The following OSBPL2 variants were observed in gnomAD, a reference collection of about 807,000 sequenced individuals.
The protein encoded by OSBPL2 is oxysterol binding protein like 2.
OSBPL2 carries 18 observed loss-of-function variants against 58.4 expected under a neutral mutation model. The ratio of observed to expected loss-of-function variants is 0.31; its 90% confidence interval spans 0.21 to 0.46. The LOEUF is 0.46. Ranked by LOEUF, OSBPL2 falls within the 20% of genes least tolerant of loss-of-function variation. The pLI is 1.00. For missense variants in OSBPL2, 461 were observed against 616.5 expected (o/e 0.75, Z 2.67); for synonymous variants, 221 against 234.1 (o/e 0.94, Z 0.51).
At chr20:62,281,999 C>G (rs1982824480) in intron 9 of OSBPL2, 120 bp downstream of exon 9, 2 of 611,942 alleles carry the variant, frequency 3.3e-6, no homozygotes, top group African/African-American at 1.8e-5. Context: ...ACACCAGTGC[C>G]ATCTGTTCAT....
At chr20:62,254,880 G>C (rs1980816509) in intron 1 of OSBPL2, among the ~76,000 whole-genome samples, 1 of 152,218 alleles carries the variant, frequency 6.6e-6, no homozygotes, top group African/African-American at 2.4e-5. Context: ...CCTGGGAGTA[G>C]CTAACTTACA....
chr20:62,244,973 G>A (rs1395027552), intron 1 of OSBPL2, among the ~76,000 whole-genome samples: 1 of 152,266 alleles, frequency 6.6e-6, no homozygotes, highest in Non-Finnish European at 1.5e-5. Context: ...CTGGACTGAT[G>A]CAGAGTCCTC....
Position 62,278,706 on chromosome 20 carries a change from C to T in OSBPL2, c.492-451C>T, listed in dbSNP as rs1434595343. On this transcript the variant is annotated intron_variant, in intron 6 of 13. Transcript: ENST00000313733. ...CATGTTTGTGTGTGTGTGTCTGTTG[C>T]CAACATTAGGCCAAGTGCGATGTCA... 128 of 160,006 alleles carry T rather than the reference C, an allele frequency of 8.0e-4. 2 individuals are homozygous for T. The highest frequency in any genetic ancestry group is 1.3e-3 in the Non-Finnish European group (107 of 81,618). The allele number at this position is 160,006 out of a possible 1,614,324, so 9.9% of individuals were successfully genotyped here.
chr20:62,272,740 T>C (rs1982143244), intron 5 of OSBPL2, among the ~76,000 whole-genome samples: 1 of 152,176 alleles, frequency 6.6e-6, no homozygotes, highest in African/African-American at 2.4e-5. Flanking sequence ...CAAAAATTTT[T>C]TAAAACTTAG....
chr20:62,262,457 C>T (rs1349205442), intron 3 of OSBPL2, among the ~76,000 whole-genome samples: 1 of 152,224 alleles, frequency 6.6e-6, no homozygotes. Context: ...ACCTGACCTT[C>T]TGCAGAGCCA....
In OSBPL2 at chr20:62,294,253, T is replaced by G. The variant is rs531201656; in HGVS notation, c.*366T>G. On this transcript the variant is annotated 3_prime_UTR_variant, in exon 14 of 14. Coordinates refer to ENST00000313733, the MANE Select transcript of OSBPL2 (RefSeq NM_144498.4). ...GTAATGGGAAGGGGTTCATGTTCTC[T>G]TTATAATGCAGTGGCAAAAGGTTCT... The G allele has an allele frequency of 4.1e-6, 1 of 243,236 alleles. No individual in the cohort carries two copies. The highest frequency in any genetic ancestry group is 9.6e-5 in the East Asian group (1 of 10,454). The allele number at this position is 243,236 out of a possible 1,614,324, so 15.1% of individuals were successfully genotyped here.
At position 62,269,680 on chromosome 20, in the gene OSBPL2, G is replaced by A. The variant is rs1022942629; in HGVS notation, c.259-2445G>A. Among the ~76,000 whole-genome samples, 12 of 152,208 alleles carry A rather than the reference G, an allele frequency of 7.9e-5. No homozygotes were observed. Among genetic ancestry groups the A allele is most frequent in the African/African-American group, 2.9e-4 (12 of 41,444 alleles). Reference sequence around the variant, plus strand: ...CACGGGAGGCTGTTGATCCTGGTCTGGAATGTAAATTGCAAATGCTCCCCC... The same window carrying A: ...CACGGGAGGCTGTTGATCCTGGTCTAGAATGTAAATTGCAAATGCTCCCCC... On this transcript the variant is annotated intron_variant, in intron 4 of 13. Coordinates refer to ENST00000313733, the MANE Select transcript of OSBPL2 (RefSeq NM_144498.4). The surrounding 1 kb of genome is among the most constrained non-coding windows in gnomAD (Gnocchi z 4.2).
intron 2 of OSBPL2, among the ~76,000 whole-genome samples, chr20:62,257,174 C>T (rs1174881702): frequency 6.6e-6 from 1 of 152,188 alleles, no homozygotes; most frequent in Non-Finnish European, 1.5e-5. Flanking sequence ...GCTCCGTTGG[C>T]ACCTCCAGTC....
chr20:62,266,838 A>G lies in OSBPL2; in HGVS notation c.258+3147A>G, dbSNP rs116180620. Among the ~76,000 whole-genome samples, 644 of 152,322 alleles carry G rather than the reference A, an allele frequency of 4.2e-3. 2 individuals are homozygous for G. The highest frequency in any genetic ancestry group is 0.014 in the African/African-American group (596 of 41,558). ...GTCATTTAATATCATCAGATACTCA[A>G]TCTATGTTCAAATGTCCAGTGGTCT... On this transcript the variant is annotated intron_variant, in intron 4 of 13. Coordinates refer to ENST00000313733, the MANE Select transcript of OSBPL2 (RefSeq NM_144498.4).
At chr20:62,260,239 C>T in intron 3 of OSBPL2, 114 bp downstream of exon 3, 1 of 977,934 alleles carries the variant, frequency 1.0e-6, no homozygotes, top group Non-Finnish European at 1.5e-6. Flanking sequence ...ACCCCCACAG[C>T]TGTCTGGCCT....
intron 4 of OSBPL2, among the ~76,000 whole-genome samples, chr20:62,271,475 G>A (rs981557518): frequency 6.6e-5 from 10 of 151,862 alleles, no homozygotes; most frequent in African/African-American, 1.9e-4. Context: ...TTTTTGAGAC[G>A]GAGTCTGGCT....
At chr20:62,261,340 A>G (rs1452589314) in intron 3 of OSBPL2, among the ~76,000 whole-genome samples, 3 of 145,238 alleles carry the variant, frequency 2.1e-5, no homozygotes, top group African/African-American at 7.5e-5. Flanking sequence ...AAAAAAAGGC[A>G]CAAAGGCAGG....
intron 10 of OSBPL2, chr20:62,286,190 T>C (rs773607436): frequency 1.6e-5 from 3 of 184,520 alleles, no homozygotes; most frequent in East Asian, 1.4e-4. Flanking sequence ...GGCTTACGCC[T>C]GTAATCTCAG....
chr20:62,274,135 G>T (rs1012047758), intron 6 of OSBPL2, among the ~76,000 whole-genome samples: 1 of 152,192 alleles, frequency 6.6e-6, no homozygotes, highest in African/African-American at 2.4e-5. Flanking sequence ...GTTGTTTGTG[G>T]CTGGGCCTCT....
intron 4 of OSBPL2, 40 bp from the exon 5 acceptor site, chr20:62,272,085 G>A (rs370820124): frequency 6.2e-7 from 1 of 1,611,164 alleles, no homozygotes; most frequent in Admixed American, 1.7e-5. Flanking sequence ...GCGGTGTCAG[G>A]AAGGCAGCAG....
rs545878681 is a variant in OSBPL2, at chr20:62,273,139, A to G, written c.394-170A>G. 2.0e-5 allele frequency among the ~76,000 whole-genome samples: 3 copies of G among 152,144 alleles called. No individual in the cohort carries two copies. The South Asian group carries it at 6.2e-4, about 32-fold the overall frequency. ...GGGGGAGTGGCGGGTGATGAAGGGC[A>G]TTCCCTGGAAGTCCTATAATCTCAG... On this transcript the variant is annotated intron_variant, in intron 5 of 13. Transcript: ENST00000313733.
chr20:62,284,193 C>G (rs1360224639), intron 10 of OSBPL2, 24 bp downstream of exon 10: 1 of 1,613,790 alleles, frequency 6.2e-7, no homozygotes. Context: ...CGTCCCCGGG[C>G]AGAGCTGAGC....
chr20:62,279,939 T>G, intron 7 of OSBPL2: 1 of 1,302,784 alleles, frequency 7.7e-7, no homozygotes, highest in East Asian at 5.5e-5. Context: ...TGAAACAGCG[T>G]GGGAGGGGAC....
At chr20:62,277,202 A>G (rs919088909) in intron 6 of OSBPL2, among the ~76,000 whole-genome samples, 33 of 152,240 alleles carry the variant, frequency 2.2e-4, no homozygotes, top group Admixed American at 2.2e-3. Context: ...GTGAGCCGAG[A>G]TCACGCCACT....
Sources: allele counts gnomAD v4.1 joint callset (sites outside exome capture counted in the v4.1 genomes callset), GRCh38; gene constraint gnomAD v4.1.1; non-coding constraint Gnocchi (gnomAD v3.1); transcripts MANE v1.5; gene names NCBI Gene and HGNC (gene_info 2026-07-23, HGNC 2026-07-21).